SRPRA: variants seen among roughly 807,000 people sequenced by gnomAD.
SRPRA encodes the protein SRP receptor subunit alpha.
SRPRA carries 30 observed loss-of-function variants against 61.1 expected under a neutral mutation model. The ratio of observed to expected loss-of-function variants is 0.49; its 90% CI spans 0.37 to 0.67. SRPRA has a LOEUF of 0.67. SRPRA is among the 30% of genes least tolerant of loss of function. The pLI, the probability that SRPRA is intolerant of heterozygous loss-of-function variation, is 0.00. For synonymous variants in SRPRA, 324 were observed against 299.7 expected, an observed-to-expected ratio of 1.08 and a Z score of -0.84; for missense variants, 759 against 828.4, an observed-to-expected ratio of 0.92 and a Z score of 1.03.
Position 126,265,231 on chromosome 11 carries a change from C to T in SRPRA, c.1311+37G>A, listed in dbSNP as rs1424275538. ...CCAGGATTTTGAGACACAAGAAGTA[C>T]AGAAATATCAGCGATAGGCTGGGGA... On this transcript the variant is annotated intron_variant, in intron 10 of 13. Transcript: ENST00000332118. This position sits in a 1 kb window ranked among gnomAD's most constrained non-coding sequence, Gnocchi z 6.3. 3 of 1,613,456 alleles carry T rather than the reference C, an allele frequency of 1.9e-6. No homozygotes were observed. In the South Asian group the frequency reaches 3.3e-5, roughly 18 times the overall value.
the SRPRA span, among the ~76,000 whole-genome samples, chr11:126,246,978 G>A: frequency 6.6e-6 from 1 of 152,110 alleles, no homozygotes; most frequent in South Asian, 2.1e-4. Context: ...GAAACAAAGC[G>A]GGACCCCCTA....
the SRPRA span, among the ~76,000 whole-genome samples, chr11:126,257,605 ATTTT>A: frequency 7.1e-6 from 1 of 140,960 alleles, no homozygotes. Flanking sequence ...AGAATTGTAC[ATTTT>A]TTTTTTTTTT....
In SRPRA at chr11:126,267,683, T is replaced by C; in HGVS notation, c.231A>G (p.Thr77=). The C allele has an allele frequency of 6.2e-7, 1 of 1,614,128 alleles. No individual in the cohort carries two copies. Among genetic ancestry groups the C allele is most frequent in the Non-Finnish European group, 8.5e-7 (1 of 1,180,034 alleles). The change falls in exon 3 of 14, where the codon ACA becomes ACG. Residue 77 remains threonine (T), a synonymous_variant. Transcript: ENST00000332118. This position sits in a 1 kb window ranked among gnomAD's most constrained non-coding sequence, Gnocchi z 4.2. ...VVGFQKILTL[T]YVDKLIDDVH... The stretch of plus-strand genomic sequence containing the variant: ...CGTCATCTATCAATTTGTCTACATA[T>C]GTCAGTGTCAGGATCTTCTGAAAAC...
chr11:126,242,916 A>T, the SRPRA span, among the ~76,000 whole-genome samples: 2 of 152,234 alleles, frequency 1.3e-5, no homozygotes, highest in Non-Finnish European at 2.9e-5. Flanking sequence ...CTGTACACTC[A>T]TGTTCATAGC....
At chr11:126,259,661 A>T (rs1394452650), downstream of SRPRA, among the ~76,000 whole-genome samples, 5 of 147,802 alleles carry the variant, frequency 3.4e-5, no homozygotes, top group Non-Finnish European at 7.5e-5. Flanking sequence ...TCCTGACCTC[A>T]TGATCCACCC....
At position 126,264,355 on chromosome 11, in the gene SRPRA, G is replaced by A; in HGVS notation, c.1689+21C>T. 1 of 1,614,050 alleles carries A rather than the reference G, an allele frequency of 6.2e-7. No homozygotes were observed. Among genetic ancestry groups the A allele is most frequent in the Non-Finnish European group, 8.5e-7 (1 of 1,179,924 alleles). ...TTGACCAAAGCTCAAGTTGTAAAGG[G>A]AACTGGGCCCACGCTCTCACCAGCT... is the stretch of plus-strand genomic sequence containing the variant. On this transcript the variant is annotated intron_variant, in intron 12 of 13. Coordinates refer to ENST00000332118, the MANE Select transcript of SRPRA (RefSeq NM_003139.4). The surrounding 1 kb of genome is among the most constrained non-coding windows in gnomAD (Gnocchi z 5.0).
At chr11:126,247,165 G>A in the SRPRA span, among the ~76,000 whole-genome samples, 3 of 152,090 alleles carry the variant, frequency 2.0e-5, no homozygotes, top group African/African-American at 2.4e-5. Context: ...GGTGGTGTGC[G>A]CCTGTAGTCC....
Position 126,267,057 on chromosome 11 carries a change from G to A in SRPRA, c.526+118C>T. On this transcript the variant is annotated intron_variant, in intron 4 of 13. Transcript: ENST00000332118. The surrounding 1 kb of genome is among the most constrained non-coding windows in gnomAD (Gnocchi z 4.2). ...AGTTCATAAGGCCTGGGGATTATAG[G>A]ATGGTGACCATTTGAGTGAGAAGCA... The A allele has an allele frequency of 6.6e-7, 1 of 1,523,092 alleles. No homozygotes were observed. The highest frequency in any genetic ancestry group is 8.9e-7 in the Non-Finnish European group (1 of 1,128,516). The allele number at this position is 1,523,092 out of a possible 1,614,324, so 94.3% of individuals were successfully genotyped here. A position where few individuals can be genotyped will look rare whatever the true frequency, so the allele number is the denominator to read the frequency against.
chr11:126,250,090 G>C, the SRPRA span, among the ~76,000 whole-genome samples: 3 of 131,446 alleles, frequency 2.3e-5, no homozygotes, highest in Non-Finnish European at 4.8e-5. This position sits in a 1 kb window ranked among gnomAD's most constrained non-coding sequence, Gnocchi z 5.1. Flanking sequence ...TTTATCCCCG[G>C]GATTTTTTTT....
chr11:126,253,012 G>GC, the SRPRA span, among the ~76,000 whole-genome samples: 1 of 152,310 alleles, frequency 6.6e-6, no homozygotes, highest in Middle Eastern at 3.4e-3. The surrounding 1 kb of genome is among the most constrained non-coding windows in gnomAD (Gnocchi z 5.1). Flanking sequence ...TCCAATCTGG[G>GC]CAACAGACCA....
At position 126,263,792 on chromosome 11, in the gene SRPRA, G is replaced by T; in HGVS notation, c.*124C>A. On this transcript the variant is annotated 3_prime_UTR_variant, in exon 14 of 14. Coordinates refer to ENST00000332118, the MANE Select transcript of SRPRA (RefSeq NM_003139.4). Reference sequence around the variant, plus strand: ...GGAGTGGGGTTGGAAGGAGCCACAAGCCCCCTCACTCTGCCTTTGTACTAC... The same window carrying T: ...GGAGTGGGGTTGGAAGGAGCCACAATCCCCCTCACTCTGCCTTTGTACTAC... 7.3e-7 allele frequency: 1 copy of T among 1,361,676 alleles called. No individual in the cohort carries two copies. The highest frequency in any genetic ancestry group is 1.0e-6 in the Non-Finnish European group (1 of 1,000,660). 84.3% of individuals were successfully genotyped at this position (1,361,676 alleles called of 1,614,324 possible).
downstream of SRPRA, chr11:126,262,088 T>A: frequency 6.2e-7 from 1 of 1,613,836 alleles, no homozygotes; most frequent in South Asian, 1.1e-5. Context: ...TTTGTGAAAC[T>A]TCATTTTGTT....
chr11:126,247,128 A>C, the SRPRA span, among the ~76,000 whole-genome samples: 1 of 152,162 alleles, frequency 6.6e-6, no homozygotes, highest in Non-Finnish European at 1.5e-5. Flanking sequence ...CCCTGTCTGT[A>C]CGAAAAATTT....
chr11:126,261,860 T>C (rs1950707829), downstream of SRPRA, among the ~76,000 whole-genome samples: 1 of 152,062 alleles, frequency 6.6e-6, no homozygotes, highest in Non-Finnish European at 1.5e-5. Flanking sequence ...GGTCTGGTGC[T>C]GTGTGCCTAT....
chr11:126,268,028 T>A lies in SRPRA; in HGVS notation c.176A>T (p.Asp59Val). Residue 59 changes from aspartate to valine, a missense_variant, in exon 2 of 14, where the codon GAC (aspartate) becomes GTC (valine). Physicochemically the swap from Asp to Val is radical, Grantham distance 152. This residue lies in a region of SRPRA where 475 missense variants were observed against 462.5 expected (regional missense o/e 1.03). Coordinates refer to ENST00000332118, the MANE Select transcript of SRPRA (RefSeq NM_003139.4). ...HEALTLKYKLDNQFELVFVVG... is the reference protein window; with the variant it reads ...HEALTLKYKLVNQFELVFVVG... ...CACAAACACCAGCTCAAACTGGTTG[T>A]CCAGTTTATACTTGAGTGTGAGTGC... is the stretch of plus-strand genomic sequence containing the variant. The A allele has an allele frequency of 6.2e-7, 1 of 1,614,178 alleles. No homozygotes were observed. Among genetic ancestry groups the A allele is most frequent in the Non-Finnish European group, 8.5e-7 (1 of 1,180,014 alleles).
chr11:126,268,561 G>A, intron 1 of SRPRA, 127 bp downstream of exon 1: 1 of 704,458 alleles, frequency 1.4e-6, no homozygotes, highest in Non-Finnish European at 2.4e-6. Context: ...CGGAGTCCGG[G>A]TTACGCGTGA....
Position 126,267,020 on chromosome 11 carries a change from C to T in SRPRA, c.527-98G>A. ...CAAATTGTTCAAAGGAAATTTGGAC[C>T]AAACATCTTGGAGTTCATAAGGCCT... On this transcript the variant is annotated intron_variant, in intron 4 of 13. Transcript: ENST00000332118. The surrounding 1 kb of genome is among the most constrained non-coding windows in gnomAD (Gnocchi z 4.2). The T allele has an allele frequency of 1.3e-6, 2 of 1,533,874 alleles. No homozygotes were observed. The highest frequency in any genetic ancestry group is 2.5e-5 in the South Asian group (2 of 79,388).
rs1446228815 is a variant in SRPRA, at chr11:126,267,933, TAATC to T, written c.201+66_201+69del. 3.3e-6 allele frequency: 5 copies of T among 1,526,268 alleles called. No homozygotes were observed. The African/African-American group carries it at 4.1e-5, about 13-fold the overall frequency. The allele number at this position is 1,526,268 out of a possible 1,614,324, so 94.5% of individuals were successfully genotyped here. A position where few individuals can be genotyped will look rare whatever the true frequency, so the allele number is the denominator to read the frequency against. The stretch of plus-strand genomic sequence containing the variant: ...CGTCATCATATACACTGGCTGCAAT[TAATC>T]AGAGTTCTCTTAAAAATCAGGGCTA... On this transcript the variant is annotated intron_variant, in intron 2 of 13. Coordinates refer to ENST00000332118, the MANE Select transcript of SRPRA (RefSeq NM_003139.4). The surrounding 1 kb of genome is among the most constrained non-coding windows in gnomAD (Gnocchi z 4.2).
At chr11:126,261,401 C>T, downstream of SRPRA, 1 of 1,608,902 alleles carries the variant, frequency 6.2e-7, no homozygotes. Flanking sequence ...AGTCTAATGT[C>T]TGATGCTGAT....
Sources: gnomAD v4.1 joint callset for allele counts (sites outside exome capture counted in the v4.1 genomes callset) on GRCh38, gnomAD v4.1.1 for gene constraint, gnomAD v4.1.1 regional missense constraint, Gnocchi (gnomAD v3.1) non-coding constraint, MANE v1.5 for transcripts, NCBI Gene and HGNC (gene_info 2026-07-23, HGNC 2026-07-21) for gene names.